Variants in NOP14 observed in about 807,000 individuals in gnomAD.
NOP14 encodes the protein nucleolar protein 14.
In NOP14, 57 loss-of-function variants were observed where a neutral mutation model predicts 101.6. That is an observed-to-expected ratio of 0.56 (90% CI 0.45 to 0.70). The LOEUF (loss-of-function observed/expected upper bound fraction) is 0.70. Among genes scored for constraint, NOP14 ranks in the 30% least tolerant of loss-of-function variants. The pLI, the probability that NOP14 is intolerant of heterozygous loss-of-function variation, is 0.00. For missense variants in NOP14, 1,134 were observed against 1,075.5 expected (o/e 1.05, Z -0.76); for synonymous variants, 428 against 424.0 (o/e 1.01, Z -0.12).
Position 2,938,167 on chromosome 4 carries a change from C to T in NOP14, c.*664G>A, listed in dbSNP as rs577783206. 8.9e-5 allele frequency: 114 copies of T among 1,282,576 alleles called. No homozygotes were observed. Among genetic ancestry groups the T allele is most frequent in the Admixed American group, 6.7e-4 (28 of 42,016 alleles). 79.4% of individuals were successfully genotyped at this position (1,282,576 alleles called of 1,614,324 possible). A position where few individuals can be genotyped will look rare whatever the true frequency, so the allele number is the denominator to read the frequency against. On this transcript the variant is annotated 3_prime_UTR_variant, in exon 18 of 18. Transcript: ENST00000416614. ...GGTGACGTTTTAACAGAAACAAAAC[C>T]GCAGGCAGCGGGTGGGGGGAGCTGG...
intron 12 of NOP14, 65 bp from the exon 13 acceptor site, chr4:2,944,291 C>T (rs1297462056): frequency 1.4e-5 from 21 of 1,513,826 alleles, no homozygotes; most frequent in Middle Eastern, 2.2e-4. Flanking sequence ...GGCCGACCAC[C>T]GGGCTTCCCT....
intron 1 of NOP14, among the ~76,000 whole-genome samples, chr4:2,961,195 ATAT>A (rs1392295506): frequency 0.02 from 8 of 396 alleles, no homozygotes; most frequent in East Asian, 0.2. Flanking sequence ...TAATATGCTA[ATAT>A]TATAATAATA....
Position 2,961,106 on chromosome 4 carries a change from TTAATAATATATTAATATTA to T in NOP14, c.195+2000_195+2018del, listed in dbSNP as rs1404012870. On this transcript the variant is annotated intron_variant, in intron 1 of 17. Coordinates refer to ENST00000416614, the MANE Select transcript of NOP14 (RefSeq NM_001291978.2). ...AATATTATAATAATATATTAATATTTTAATAATATATTAATATTATAATAATATATTAATATACTAATAT... is the reference window on the plus strand; with the variant it reads ...AATATTATAATAATATATTAATATTTTAATAATATATTAATATACTAATAT... 3.2e-4 allele frequency among the ~76,000 whole-genome samples: 12 copies of T among 37,896 alleles called. 2 individuals carry two copies. Among genetic ancestry groups the T allele is most frequent in the African/African-American group, 1.3e-3 (5 of 3,948 alleles). 24.9% of individuals were successfully genotyped at this position (37,896 alleles called of 152,430 possible).
intron 9 of NOP14, 94 bp from the exon 10 acceptor site, chr4:2,947,705 A>T: frequency 9.6e-7 from 1 of 1,038,824 alleles, no homozygotes; most frequent in Non-Finnish European, 1.5e-6. Flanking sequence ...CATTCTGGTG[A>T]CAACCAGGTG....
chr4:2,962,517 G>A (rs757431163), intron 1 of NOP14, among the ~76,000 whole-genome samples: 1 of 152,114 alleles, frequency 6.6e-6, no homozygotes, highest in Non-Finnish European at 1.5e-5. Flanking sequence ...AGAAGCGCTC[G>A]GGGTAGCAAG....
At chr4:2,963,075 GC>G (rs765904304) in intron 1 of NOP14, 49 bp downstream of exon 1, 2 of 1,456,968 alleles carry the variant, frequency 1.4e-6, no homozygotes, top group South Asian at 2.9e-5. Flanking sequence ...GCCGAGAGCA[GC>G]GTGGGGTCCA....
chr4:2,943,946 C>G (rs190448582), intron 13 of NOP14, 127 bp downstream of exon 13: 1 of 714,346 alleles, frequency 1.4e-6, no homozygotes, highest in East Asian at 2.8e-5. Flanking sequence ...ACAGACAGTG[C>G]GGCGGGTGGC....
Position 2,938,543 on chromosome 4 carries a change from C to G in NOP14, c.*288G>C, listed in dbSNP as rs973347535. ...TTTTTTTAAGCGACACAGTCTTGCA[C>G]TGTGGCCGAGGCTGGAGTGCAGTGG... On this transcript the variant is annotated 3_prime_UTR_variant, in exon 18 of 18. Transcript: ENST00000416614. 7 of 449,808 alleles carry G rather than the reference C, an allele frequency of 1.6e-5. No individual in the cohort carries two copies. Among genetic ancestry groups the G allele is most frequent in the Non-Finnish European group, 2.4e-5 (6 of 247,436 alleles). The allele number at this position is 449,808 out of a possible 1,614,324, so 27.9% of individuals were successfully genotyped here.
At chr4:2,943,138 C>T (rs1368312070) in intron 13 of NOP14, among the ~76,000 whole-genome samples, 1 of 152,244 alleles carries the variant, frequency 6.6e-6, no homozygotes, top group Non-Finnish European at 1.5e-5. Context: ...CTCTGGCGCC[C>T]AGCACCGAGC....
In NOP14 at chr4:2,963,290, T is replaced by C. The variant is rs752675552; in HGVS notation, c.30A>G (p.Arg10=). Residue 10 remains arginine (R), a synonymous_variant, in exon 1 of 18, where the codon CGA becomes CGG. Transcript: ENST00000416614. ...CCGCCGGCGCCCCGGAGGCCTTCCT[T>C]CGCGCCCCGACCTTCTTCGCCTTCG... is the stretch of plus-strand genomic sequence containing the variant. MAKAKKVGA[R]RKASGAPAGA... is the part of the protein sequence containing the mutation. The C allele has an allele frequency of 6.3e-6, 10 of 1,595,368 alleles. No homozygotes were observed. Among genetic ancestry groups the C allele is most frequent in the African/African-American group, 5.5e-5 (4 of 72,408 alleles).
At chr4:2,943,658 C>A (rs576129051) in intron 13 of NOP14, among the ~76,000 whole-genome samples, 14 of 152,364 alleles carry the variant, frequency 9.2e-5, no homozygotes, top group African/African-American at 3.4e-4. Context: ...TTTCACACTG[C>A]CTTGTCGTCA....
chr4:2,940,124 G>A (rs1176060806), intron 15 of NOP14, among the ~76,000 whole-genome samples: 4 of 152,262 alleles, frequency 2.6e-5, no homozygotes, highest in South Asian at 2.1e-4. Context: ...GGTGCTAGGC[G>A]GGGCAGGGTT....
At chr4:2,962,170 C>A (rs898516777) in intron 1 of NOP14, among the ~76,000 whole-genome samples, 1 of 152,182 alleles carries the variant, frequency 6.6e-6, no homozygotes, top group African/African-American at 2.4e-5. Flanking sequence ...CAAACCACCA[C>A]GAGGGGTAGG....
chr4:2,959,705 GCT>G (rs1715600297), intron 1 of NOP14, among the ~76,000 whole-genome samples: 1 of 152,192 alleles, frequency 6.6e-6, no homozygotes, highest in African/African-American at 2.4e-5. Flanking sequence ...CATCGCCATT[GCT>G]CTGTTCTCTC....
At chr4:2,953,827 G>A (rs542515925) in intron 4 of NOP14, among the ~76,000 whole-genome samples, 182 bp from the exon 5 acceptor site, 5 of 152,266 alleles carry the variant, frequency 3.3e-5, no homozygotes, top group African/African-American at 4.8e-5. Flanking sequence ...CTCATCAGAC[G>A]GAAATCTTTT....
Position 2,951,132 on chromosome 4 carries a change from C to G in NOP14, c.984G>C (p.Arg328Ser). Reference protein sequence around the residue: ...NDGFVLDKDDRRLLSYKDGKM... With the variant: ...NDGFVLDKDDSRLLSYKDGKM... ...ATCTTACTTTGTAGGAAAGCAAACGCCTGTCATCTTTATCTAGCACGAAGC... is the reference window on the plus strand; with the variant it reads ...ATCTTACTTTGTAGGAAAGCAAACGGCTGTCATCTTTATCTAGCACGAAGC... The change falls in exon 7 of 18, where the codon AGG (arginine) becomes AGC (serine). Residue 328 changes from arginine (R) to serine (S), a missense_variant. By Grantham distance (110) the Arg-to-Ser change is moderately radical. Coordinates refer to ENST00000416614, the MANE Select transcript of NOP14 (RefSeq NM_001291978.2). 1 of 1,612,296 alleles carries G rather than the reference C, an allele frequency of 6.2e-7. No homozygotes were observed. Among genetic ancestry groups the G allele is most frequent in the East Asian group, 2.2e-5 (1 of 44,868 alleles).
At position 2,946,476 on chromosome 4, in the gene NOP14, G is replaced by C. The variant is rs114205498; in HGVS notation, c.1571C>G (p.Ala524Gly). ...SDAIKFVLRD[A>G]MHEMEEMIET... is the part of the protein sequence containing the mutation. ...AATCATTTCTTCCATCTCATGCATC[G>C]CATCTCGGAGAACAAATTTGATAGC... Residue 524 changes from alanine to glycine, a missense_variant, in exon 11 of 18, where the codon GCG (alanine) becomes GGG (glycine). By Grantham distance (60) the Ala-to-Gly change is moderately conservative. Coordinates refer to ENST00000416614, the MANE Select transcript of NOP14 (RefSeq NM_001291978.2). The C allele has an allele frequency of 4.5e-5, 73 of 1,614,064 alleles. No homozygotes were observed. The African/African-American group carries it at 7.3e-4, about 16-fold the overall frequency.
chr4:2,950,224 C>T lies in NOP14; in HGVS notation c.1003-11G>A, dbSNP rs903556912. ...ATTCATCTTTCCATCCTACCAAGAG[C>T]GTGGAAACCACAGGGCATGAGGACA... On this transcript the variant is annotated splice_polypyrimidine_tract_variant and intron_variant, in intron 7 of 17. Coordinates refer to ENST00000416614, the MANE Select transcript of NOP14 (RefSeq NM_001291978.2). 6.8e-6 allele frequency: 11 copies of T among 1,612,332 alleles called. No homozygotes were observed. The highest frequency in any genetic ancestry group is 2.2e-5 in the South Asian group (2 of 91,086).
Position 2,938,002 on chromosome 4 carries a change from C to A in NOP14, c.*829G>T. 4.5e-6 allele frequency: 1 copy of A among 222,524 alleles called. No homozygotes were observed. The allele number at this position is 222,524 out of a possible 1,614,324, so 13.8% of individuals were successfully genotyped here. Reference sequence around the variant, plus strand: ...AATTCTACACATGAAGGCAAACGTCCGTGGTTGACAGAAATTACACTGGCC... The same window carrying A: ...AATTCTACACATGAAGGCAAACGTCAGTGGTTGACAGAAATTACACTGGCC... On this transcript the variant is annotated 3_prime_UTR_variant, in exon 18 of 18. Coordinates refer to ENST00000416614, the MANE Select transcript of NOP14 (RefSeq NM_001291978.2).
Sources: allele counts gnomAD v4.1 joint callset (sites outside exome capture counted in the v4.1 genomes callset), GRCh38; gene constraint gnomAD v4.1.1; transcripts MANE v1.5; gene names NCBI Gene and HGNC (gene_info 2026-07-23, HGNC 2026-07-21).